The following ELL2 variants were observed in gnomAD, a reference collection of about 807,000 sequenced individuals.
ELL2 encodes RNA polymerase II elongation factor ELL2.
ELL2 carries 21 observed loss-of-function variants against 72.8 expected under a neutral mutation model. That is an observed-to-expected ratio of 0.29 (90% CI 0.20 to 0.42). ELL2 has a LOEUF of 0.42. ELL2 is among the 10% of genes least tolerant of loss of function. ELL2 has a pLI of 1.00. For missense variants in ELL2, 568 were observed against 772.8 expected (o/e 0.73, Z 3.14); for synonymous variants, 266 against 283.2 (o/e 0.94, Z 0.61).
Position 95,893,691 on chromosome 5 carries a change from A to G in ELL2, c.1589+1937T>C, listed in dbSNP as rs547922174. Among the ~76,000 whole-genome samples, 5 of 152,276 alleles carry G rather than the reference A, an allele frequency of 3.3e-5. No individual in the cohort carries two copies. In the East Asian group the frequency reaches 9.7e-4, roughly 29 times the overall value. ...TGAGCCACCGCGCCCGGCCTCGATC[A>G]TTTAGGTTTTATAGTATATCCCTTT... On this transcript the variant is annotated intron_variant, in intron 9 of 11. Coordinates refer to ENST00000237853, the MANE Select transcript of ELL2 (RefSeq NM_012081.6).
At chr5:95,930,863 GA>G (rs1370493619) in intron 2 of ELL2, among the ~76,000 whole-genome samples, 1 of 152,100 alleles carries the variant, frequency 6.6e-6, no homozygotes, top group Non-Finnish European at 1.5e-5. Flanking sequence ...AATCTTAAAT[GA>G]ACATTACAAA....
chr5:95,927,156 C>A (rs1035467711), intron 2 of ELL2, among the ~76,000 whole-genome samples: 1 of 151,728 alleles, frequency 6.6e-6, no homozygotes, highest in Non-Finnish European at 1.5e-5. Context: ...GCCATTGTGG[C>A]ACATATGTAT....
chr5:95,949,848 C>T (rs888339072), intron 1 of ELL2, among the ~76,000 whole-genome samples: 3 of 152,066 alleles, frequency 2.0e-5, no homozygotes, highest in South Asian at 2.1e-4. Flanking sequence ...ACTATTTGAG[C>T]GTTTACAATG....
rs1415102041 is a variant in ELL2, at chr5:95,961,768, C to T, written c.-47G>A. On this transcript the variant is annotated 5_prime_UTR_variant, in exon 1 of 12. Coordinates refer to ENST00000237853, the MANE Select transcript of ELL2 (RefSeq NM_012081.6). The stretch of plus-strand genomic sequence containing the variant: ...CCGCCGCCGCCGCTCCGGCTCTAGC[C>T]TCCACTGCGGCCGCGGCTGCTTGGG... 3 of 1,540,930 alleles carry T rather than the reference C, an allele frequency of 1.9e-6. No individual in the cohort carries two copies. The Admixed American group carries it at 6.3e-5, about 32-fold the overall frequency.
intron 1 of ELL2, among the ~76,000 whole-genome samples, chr5:95,954,937 C>G (rs1333813112): frequency 1.3e-5 from 2 of 152,138 alleles, no homozygotes; most frequent in African/African-American, 2.4e-5. Context: ...CCTTATATTT[C>G]TACTCTGTTT....
At chr5:95,920,138 C>T (rs1475995906) in intron 2 of ELL2, among the ~76,000 whole-genome samples, 2 of 152,022 alleles carry the variant, frequency 1.3e-5, no homozygotes, top group East Asian at 1.9e-4. Flanking sequence ...ATTATACATC[C>T]TCATGTTTAC....
In ELL2 at chr5:95,916,992, GC is replaced by G. The variant is rs1749836175; in HGVS notation, c.317+2431del. ...CAGATCTTTATGCAAAACAAACGGA[GC>G]TAAACGCTGTAGGCAAGAAGGTACT... is the stretch of plus-strand genomic sequence containing the variant. On this transcript the variant is annotated intron_variant, in intron 3 of 11. Coordinates refer to ENST00000237853, the MANE Select transcript of ELL2 (RefSeq NM_012081.6). Among the ~76,000 whole-genome samples, 3 of 152,314 alleles carry G rather than the reference GC, an allele frequency of 2.0e-5. No homozygotes were observed. In the South Asian group the frequency reaches 6.2e-4, roughly 32 times the overall value.
At position 95,898,742 on chromosome 5, in the gene ELL2, C is replaced by A. The variant is rs747401456; in HGVS notation, c.1023G>T (p.Thr341=). 5 of 1,577,496 alleles carry A rather than the reference C, an allele frequency of 3.2e-6. No homozygotes were observed. The South Asian group carries it at 3.5e-5, about 11-fold the overall frequency. The change falls in exon 8 of 12, where the codon ACG becomes ACT. Residue 341 remains threonine (T), a synonymous_variant. Coordinates refer to ENST00000237853, the MANE Select transcript of ELL2 (RefSeq NM_012081.6). ...MNKKARISHL[T]NRVPPTLNGH... is the part of the protein sequence containing the mutation. ...CATTTAGTGTTGGTGGTACTCTGTTCGTCAGGTGAGATATTCGGGCTTTTT... is the reference window on the plus strand; with the variant it reads ...CATTTAGTGTTGGTGGTACTCTGTTAGTCAGGTGAGATATTCGGGCTTTTT...
chr5:95,906,415 TA>T, intron 5 of ELL2, 107 bp downstream of exon 5: 1 of 1,254,792 alleles, frequency 8.0e-7, no homozygotes, highest in Non-Finnish European at 1.1e-6. Context: ...AAAATAATCC[TA>T]AAATTTCTCT....
intron 8 of ELL2, among the ~76,000 whole-genome samples, chr5:95,896,975 AC>A (rs1748900409): frequency 6.6e-6 from 1 of 152,196 alleles, no homozygotes; most frequent in African/African-American, 2.4e-5. Flanking sequence ...ATAGAGTTCT[AC>A]TTCATTTCTT....
intron 2 of ELL2, among the ~76,000 whole-genome samples, chr5:95,922,831 C>T (rs1750140918): frequency 6.6e-6 from 1 of 151,382 alleles, no homozygotes; most frequent in East Asian, 1.9e-4. Flanking sequence ...AAATCATAAT[C>T]CATGCTATGT....
At chr5:95,953,842 T>C (rs1293257484) in intron 1 of ELL2, among the ~76,000 whole-genome samples, 1 of 152,226 alleles carries the variant, frequency 6.6e-6, no homozygotes, top group East Asian at 1.9e-4. Flanking sequence ...AGGAACGTTA[T>C]ATAGAGTTAC....
intron 1 of ELL2, among the ~76,000 whole-genome samples, chr5:95,947,578 GAATA>G (rs1313239704): frequency 6.6e-6 from 1 of 152,186 alleles, no homozygotes; most frequent in Non-Finnish European, 1.5e-5. Flanking sequence ...TTCAGAGACA[GAATA>G]AATAATGAGT....
intron 2 of ELL2, among the ~76,000 whole-genome samples, chr5:95,927,723 GTA>G (rs1174966661): frequency 9.8e-5 from 7 of 71,122 alleles, no homozygotes; most frequent in African/African-American, 4.0e-4. Flanking sequence ...ACATATGTGT[GTA>G]TATAGACATA....
At chr5:95,922,818 A>T (rs1053793773) in intron 2 of ELL2, among the ~76,000 whole-genome samples, 9 of 151,752 alleles carry the variant, frequency 5.9e-5, no homozygotes, top group Admixed American at 1.3e-4. Flanking sequence ...CAAAGTTTTT[A>T]AAAAATCATA....
chr5:95,893,629 C>T (rs975569372), intron 9 of ELL2, among the ~76,000 whole-genome samples: 1 of 152,184 alleles, frequency 6.6e-6, no homozygotes, highest in South Asian at 2.1e-4. Context: ...TCGTGATCCG[C>T]CCACCTCGGC....
At chr5:95,940,700 T>A (rs1438832658) in intron 2 of ELL2, among the ~76,000 whole-genome samples, 1 of 152,190 alleles carries the variant, frequency 6.6e-6, no homozygotes, top group African/African-American at 2.4e-5. Context: ...GTGGAAAATT[T>A]AAATTTAAAT....
chr5:95,907,292 A>ATTTTTTTTTTT (rs895711670), intron 4 of ELL2, among the ~76,000 whole-genome samples: 2 of 76,042 alleles, frequency 2.6e-5, no homozygotes, highest in African/African-American at 1.5e-4. Flanking sequence ...ATATATATAT[A>ATTTTTTTTTTT]TATATTTTTT....
At chr5:95,917,313 G>A (rs1749851999) in intron 3 of ELL2, among the ~76,000 whole-genome samples, 1 of 152,172 alleles carries the variant, frequency 6.6e-6, no homozygotes, top group African/African-American at 2.4e-5. Flanking sequence ...AAGAAGACTA[G>A]TTAATTTGTA....
Sources: allele counts gnomAD v4.1 joint callset (sites outside exome capture counted in the v4.1 genomes callset), GRCh38; gene constraint gnomAD v4.1.1; transcripts MANE v1.5; gene names NCBI Gene and HGNC (gene_info 2026-07-23, HGNC 2026-07-21).